The following LRRC4C variants were observed in gnomAD, a reference collection of about 807,000 sequenced individuals.
LRRC4C encodes the protein leucine-rich repeat-containing protein 4C.
Under a neutral mutation model 33.6 loss-of-function variants are expected in LRRC4C, and 5 were observed. The observed-to-expected ratio is 0.15, with a 90% CI of 0.08 to 0.31. LRRC4C has a LOEUF of 0.31. Ranked by LOEUF, LRRC4C falls within the 10% of genes least tolerant of loss-of-function variation. The probability of loss-of-function intolerance (pLI) is 1.00; values close to 1 mark genes in which losing one functional copy is unlikely to be tolerated. For missense variants in LRRC4C, 560 were observed against 796.7 expected (o/e 0.70, Z 3.58); for synonymous variants, 329 against 302.0 (o/e 1.09, Z -0.93).
intron 3 of LRRC4C, among the ~76,000 whole-genome samples, chr11:40,559,606 A>G (rs1186673124): frequency 6.6e-6 from 1 of 152,156 alleles, no homozygotes; most frequent in African/African-American, 2.4e-5. Context: ...GGCTTTCCAC[A>G]ATAGCTGAAC....
At chr11:41,152,400 A>G (rs1269523210) in intron 1 of LRRC4C, among the ~76,000 whole-genome samples, 4 of 152,208 alleles carry the variant, frequency 2.6e-5, no homozygotes, top group African/African-American at 4.8e-5. Flanking sequence ...TCAAGGTTAC[A>G]AAATCTGAAA....
intron 3 of LRRC4C, among the ~76,000 whole-genome samples, chr11:40,417,879 A>G (rs1950385144): frequency 6.6e-6 from 1 of 152,166 alleles, no homozygotes; most frequent in Non-Finnish European, 1.5e-5. Flanking sequence ...TAAAAGCCAA[A>G]TCTAATTCCA....
intron 2 of LRRC4C, among the ~76,000 whole-genome samples, chr11:40,713,186 G>T (rs976893123): frequency 6.6e-6 from 1 of 151,940 alleles, no homozygotes; most frequent in Non-Finnish European, 1.5e-5. Context: ...GAGCCACTGT[G>T]CCCGGCCATT....
At chr11:40,335,277 AGAT>A (rs1565285033) in intron 3 of LRRC4C, among the ~76,000 whole-genome samples, 2 of 152,142 alleles carry the variant, frequency 1.3e-5, no homozygotes, top group African/African-American at 4.8e-5. Flanking sequence ...TAGGTTTTAT[AGAT>A]GATATTTAAA....
At chr11:40,746,312 C>A (rs1214111803) in intron 2 of LRRC4C, among the ~76,000 whole-genome samples, 2 of 152,094 alleles carry the variant, frequency 1.3e-5, no homozygotes, top group Non-Finnish European at 2.9e-5. Flanking sequence ...ACAGCTACAC[C>A]AAGATGTCAT....
intron 2 of LRRC4C, among the ~76,000 whole-genome samples, chr11:40,677,277 T>C (rs1944451173): frequency 6.6e-6 from 1 of 152,018 alleles, no homozygotes; most frequent in Non-Finnish European, 1.5e-5. Context: ...TCCCAGTTAC[T>C]TGGGAGGCTG....
chr11:40,125,261 G>T (rs1350774342), intron 6 of LRRC4C, among the ~76,000 whole-genome samples: 1 of 152,076 alleles, frequency 6.6e-6, no homozygotes, highest in Admixed American at 6.6e-5. Context: ...ATAATTCTTT[G>T]TTCTGTTTCT....
At chr11:41,455,896 T>C (rs1590338077) in intron 1 of LRRC4C, among the ~76,000 whole-genome samples, 2 of 152,172 alleles carry the variant, frequency 1.3e-5, no homozygotes, top group South Asian at 4.1e-4. Context: ...AGGGTTTTTT[T>C]CTTCTAATTT....
intron 2 of LRRC4C, among the ~76,000 whole-genome samples, chr11:40,859,581 G>A (rs769636765): frequency 2.0e-5 from 3 of 151,786 alleles, no homozygotes; most frequent in African/African-American, 4.8e-5. Context: ...ATATGACCCA[G>A]CAATCACCCT....
chr11:40,892,200 A>G (rs1955747838), intron 2 of LRRC4C, among the ~76,000 whole-genome samples: 1 of 151,984 alleles, frequency 6.6e-6, no homozygotes. Flanking sequence ...TTAGAGTATC[A>G]TATGATCCAG....
intron 4 of LRRC4C, among the ~76,000 whole-genome samples, chr11:40,287,859 CA>C (rs1167552028): frequency 6.6e-6 from 1 of 152,118 alleles, no homozygotes; most frequent in East Asian, 1.9e-4. Context: ...AGGACCTTAC[CA>C]AAAATGGTCA....
chr11:40,367,988 C>G (rs1241293859), intron 3 of LRRC4C, among the ~76,000 whole-genome samples: 1 of 152,112 alleles, frequency 6.6e-6, no homozygotes, highest in Non-Finnish European at 1.5e-5. Context: ...AACTACACCC[C>G]CTGTCACTGC....
chr11:41,247,152 T>G (rs10768674), intron 1 of LRRC4C, among the ~76,000 whole-genome samples: 116,771 of 152,130 alleles, frequency 0.77, 45,682 homozygotes, highest in Admixed American at 0.85. Flanking sequence ...GTTATAAGTG[T>G]TTTCATGAAA....
chr11:40,487,356 T>A (rs994006873), intron 3 of LRRC4C, among the ~76,000 whole-genome samples: 6 of 152,114 alleles, frequency 3.9e-5, no homozygotes, highest in African/African-American at 1.2e-4. Flanking sequence ...TCATGGGCAA[T>A]CAAGGTAGAC....
intron 1 of LRRC4C, among the ~76,000 whole-genome samples, chr11:41,001,302 T>C (rs1854357750): frequency 6.6e-6 from 1 of 152,096 alleles, no homozygotes; most frequent in South Asian, 2.1e-4. Context: ...CTCAGAAAAA[T>C]GAATCATGTC....
At chr11:40,415,919 G>T (rs1185732380) in intron 3 of LRRC4C, among the ~76,000 whole-genome samples, 1 of 152,180 alleles carries the variant, frequency 6.6e-6, no homozygotes, top group South Asian at 2.1e-4. Context: ...GCATGTATGA[G>T]CTATGAAATA....
intron 2 of LRRC4C, among the ~76,000 whole-genome samples, chr11:40,838,970 T>C (rs912254833): frequency 6.6e-6 from 1 of 152,150 alleles, no homozygotes; most frequent in Non-Finnish European, 1.5e-5. Context: ...TGAATTGTAA[T>C]AGGACCAATT....
Position 41,318,436 on chromosome 11 carries a change from C to T in LRRC4C, c.-496+140995G>A, listed in dbSNP as rs191166497. 1.6e-3 allele frequency among the ~76,000 whole-genome samples: 247 copies of T among 152,290 alleles called. 1 individual carries two copies. Among genetic ancestry groups the T allele is most frequent in the African/African-American group, 5.6e-3 (231 of 41,558 alleles). On this transcript the variant is annotated intron_variant, in intron 1 of 6. Coordinates refer to ENST00000528697, the MANE Select transcript of LRRC4C (RefSeq NM_001258419.2). ...GTATTGGACTTAATTAGCAGAGATT[C>T]CAGTATTCTCTCCAGATTTCGTCCT...
intron 5 of LRRC4C, among the ~76,000 whole-genome samples, chr11:40,240,771 G>C (rs189203603): frequency 5.3e-5 from 8 of 152,108 alleles, no homozygotes. Flanking sequence ...AACATTTTTA[G>C]TAATGAGTAA....
Sources: gnomAD v4.1 joint callset for allele counts (sites outside exome capture counted in the v4.1 genomes callset) on GRCh38, gnomAD v4.1.1 for gene constraint, MANE v1.5 for transcripts, NCBI Gene and HGNC (gene_info 2026-07-23, HGNC 2026-07-21) for gene names.